Variants in LHFPL3 observed in about 807,000 individuals in gnomAD.
LHFPL3 encodes LHFPL tetraspan subfamily member 3, also known as LHFPL tetraspan subfamily member 3 protein.
In LHFPL3, 5 loss-of-function variants were observed where a neutral mutation model predicts 19.3. The observed-to-expected ratio is 0.26, with a 90% CI of 0.14 to 0.54. LHFPL3 has a LOEUF of 0.54. Ranked by LOEUF, LHFPL3 falls within the 20% of genes least tolerant of loss-of-function variation. The probability of loss-of-function intolerance (pLI) is 0.94; values close to 1 mark genes in which losing one functional copy is unlikely to be tolerated. For synonymous variants in LHFPL3, 133 were observed against 126.2 expected (o/e 1.05, Z -0.36); for missense variants, 249 against 307.4 (o/e 0.81, Z 1.42).
intron 1 of LHFPL3, among the ~76,000 whole-genome samples, chr7:104,627,519 A>G (rs1048432068): frequency 6.6e-6 from 1 of 152,176 alleles, no homozygotes; most frequent in African/African-American, 2.4e-5. Flanking sequence ...CAAGAAAGGT[A>G]TGCAATTTCT....
chr7:104,668,065 A>G, intron 1 of LHFPL3: 1 of 1,613,818 alleles, frequency 6.2e-7, no homozygotes, highest in Non-Finnish European at 8.5e-7. Flanking sequence ...CTACCCTATG[A>G]TGTTACAGAA....
rs114426078 is a variant in LHFPL3 at position 104,418,146 on chromosome 7, G to A, written c.445+88922G>A. On this transcript the variant is annotated intron_variant, in intron 1 of 2. Transcript: ENST00000424859. ...CTGCCTTGGCCTCCCAAAATACTGC[G>A]ATTACAGGTGTGAGCCATGGCACCC... Among the ~76,000 whole-genome samples the A allele has an allele frequency of 3.5e-3, 532 of 152,098 alleles. 2 individuals carry two copies. Among genetic ancestry groups the A allele is most frequent in the African/African-American group, 0.012 (496 of 41,490 alleles).
At chr7:104,379,137 G>A (rs373201715) in intron 1 of LHFPL3, among the ~76,000 whole-genome samples, 5 of 152,264 alleles carry the variant, frequency 3.3e-5, no homozygotes, top group East Asian at 1.9e-4. Flanking sequence ...CAGATGGCCC[G>A]AAGATACAGA....
chr7:104,812,221 T>C (rs181623263), intron 2 of LHFPL3, among the ~76,000 whole-genome samples: 26 of 152,326 alleles, frequency 1.7e-4, no homozygotes, highest in Admixed American at 1.5e-3. Context: ...TTTGCTGGCG[T>C]GACCATTGCT....
chr7:104,342,245 T>C (rs915677076), intron 1 of LHFPL3, among the ~76,000 whole-genome samples: 4 of 152,152 alleles, frequency 2.6e-5, no homozygotes, highest in African/African-American at 9.7e-5. Flanking sequence ...TTGGTCTTGG[T>C]GGTCATGAAC....
chr7:104,792,672 A>T (rs1269405451), intron 2 of LHFPL3, among the ~76,000 whole-genome samples: 17 of 152,146 alleles, frequency 1.1e-4, no homozygotes, highest in Admixed American at 1.0e-3. Flanking sequence ...GTTTTCTCAT[A>T]TTCGGTAACT....
At chr7:104,625,857 A>G (rs1158360229) in intron 1 of LHFPL3, among the ~76,000 whole-genome samples, 1 of 152,166 alleles carries the variant, frequency 6.6e-6, no homozygotes, top group African/African-American at 2.4e-5. Flanking sequence ...GATTACCCAC[A>G]CAAAGATGGT....
intron 1 of LHFPL3, among the ~76,000 whole-genome samples, chr7:104,688,245 AT>A (rs1264711626): frequency 6.6e-6 from 1 of 152,166 alleles, no homozygotes; most frequent in Non-Finnish European, 1.5e-5. Context: ...GAGCTCAGAG[AT>A]TCTAACTCCT....
At chr7:104,636,800 G>A (rs998913633) in intron 1 of LHFPL3, among the ~76,000 whole-genome samples, 2 of 152,138 alleles carry the variant, frequency 1.3e-5, no homozygotes, top group Non-Finnish European at 2.9e-5. Context: ...GGATGTTTAG[G>A]TTGATTCCAT....
At chr7:104,625,067 T>C (rs1270238747) in intron 1 of LHFPL3, among the ~76,000 whole-genome samples, 1 of 152,242 alleles carries the variant, frequency 6.6e-6, no homozygotes, top group Non-Finnish European at 1.5e-5. Context: ...GTAGGTTATC[T>C]GCAGAGGGTC....
chr7:104,711,428 G>A (rs1483563855), intron 1 of LHFPL3, among the ~76,000 whole-genome samples: 1 of 152,178 alleles, frequency 6.6e-6, no homozygotes, highest in East Asian at 1.9e-4. Context: ...AATGGGAATG[G>A]TCAGTAGCCC....
At chr7:104,576,771 C>T (rs1302598284) in intron 1 of LHFPL3, among the ~76,000 whole-genome samples, 1 of 152,134 alleles carries the variant, frequency 6.6e-6, no homozygotes, top group Admixed American at 6.6e-5. Context: ...AAGAAACAAA[C>T]AAGTTATGGC....
At chr7:104,423,912 A>C (rs1791785579) in intron 1 of LHFPL3, among the ~76,000 whole-genome samples, 1 of 152,228 alleles carries the variant, frequency 6.6e-6, no homozygotes, top group African/African-American at 2.4e-5. Flanking sequence ...AGGATGTTTG[A>C]GTTAAAAAGA....
At chr7:104,691,449 A>G (rs2116135586) in intron 1 of LHFPL3, among the ~76,000 whole-genome samples, 1 of 152,358 alleles carries the variant, frequency 6.6e-6, no homozygotes, top group South Asian at 2.1e-4. Flanking sequence ...CAGAAAGTGG[A>G]CAGGTGAAGC....
At chr7:104,542,305 A>G (rs1794500899) in intron 1 of LHFPL3, among the ~76,000 whole-genome samples, 1 of 152,058 alleles carries the variant, frequency 6.6e-6, no homozygotes, top group South Asian at 2.1e-4. Flanking sequence ...CCTAAGCAAG[A>G]TAAAGCAATA....
chr7:104,468,191 G>T (rs1475036056), intron 1 of LHFPL3, among the ~76,000 whole-genome samples: 1 of 152,134 alleles, frequency 6.6e-6, no homozygotes, highest in Non-Finnish European at 1.5e-5. Flanking sequence ...ACCTCAACTG[G>T]CTTGTACCCT....
At chr7:104,559,292 T>C (rs1789932474) in intron 1 of LHFPL3, among the ~76,000 whole-genome samples, 2 of 147,466 alleles carry the variant, frequency 1.4e-5, no homozygotes, top group Non-Finnish European at 3.0e-5. Context: ...TTTCACAATA[T>C]TGATTCTTCC....
At chr7:104,403,199 A>G (rs1372285484) in intron 1 of LHFPL3, among the ~76,000 whole-genome samples, 1 of 152,218 alleles carries the variant, frequency 6.6e-6, no homozygotes, top group Admixed American at 6.5e-5. Context: ...ATAATAAATA[A>G]ATTTTAAAAA....
At chr7:104,428,481 A>C (rs1386145627) in intron 1 of LHFPL3, among the ~76,000 whole-genome samples, 1 of 151,986 alleles carries the variant, frequency 6.6e-6, no homozygotes, top group Non-Finnish European at 1.5e-5. Flanking sequence ...CCAATATATA[A>C]CTATGTGTAG....
Sources: gnomAD v4.1 joint callset for allele counts (sites outside exome capture counted in the v4.1 genomes callset) on GRCh38, gnomAD v4.1.1 for gene constraint, MANE v1.5 for transcripts, NCBI Gene and HGNC (gene_info 2026-07-23, HGNC 2026-07-21) for gene names.